The following DCDC1 variants were observed in gnomAD, a reference collection of about 807,000 sequenced individuals.
DCDC1 encodes the protein doublecortin domain containing 1.
DCDC1 carries 200 observed loss-of-function variants against 178.3 expected under a neutral mutation model. The ratio of observed to expected loss-of-function variants is 1.12; its 90% CI spans 1.00 to 1.26. DCDC1 has a LOEUF of 1.26. Ranked by LOEUF, DCDC1 falls within the 50% of genes most tolerant of loss-of-function variation. DCDC1 has a pLI of 0.00. For missense variants in DCDC1, 1,983 were observed against 1,749.2 expected, an observed-to-expected ratio of 1.13 and a Z score of -2.38; for synonymous variants, 690 against 604.8, an observed-to-expected ratio of 1.14 and a Z score of -2.07.
intron 7 of DCDC1, among the ~76,000 whole-genome samples, chr11:31,268,729 A>G (rs1302075010): frequency 2.0e-5 from 3 of 152,178 alleles, no homozygotes; most frequent in Admixed American, 2.0e-4. Flanking sequence ...TCTTTTGGAT[A>G]TATATAACCA....
chr11:30,881,085 T>G, intron 37 of DCDC1, 73 bp downstream of exon 37: 1 of 1,536,984 alleles, frequency 6.5e-7, no homozygotes, highest in Non-Finnish European at 8.9e-7. Context: ...TGATGGGATA[T>G]AAGCTCTTCC....
At chr11:30,925,459 G>T in intron 22 of DCDC1, 51 bp from the exon 23 acceptor site, 1 of 1,506,722 alleles carries the variant, frequency 6.6e-7, no homozygotes, top group Non-Finnish European at 9.2e-7. Flanking sequence ...GCTTCCAGCA[G>T]CAAAGAGAGA....
intron 1 of DCDC1, among the ~76,000 whole-genome samples, chr11:31,365,474 TA>T (rs1170370447): frequency 1.3e-5 from 2 of 152,078 alleles, no homozygotes; most frequent in African/African-American, 4.8e-5. Flanking sequence ...CAAGTAAATA[TA>T]ATCCTGAATA....
intron 9 of DCDC1, among the ~76,000 whole-genome samples, chr11:31,141,701 T>C (rs761817406): frequency 3.9e-5 from 6 of 152,164 alleles, no homozygotes; most frequent in Non-Finnish European, 8.8e-5. Context: ...TCTGCTAATA[T>C]ACAAAAGACT....
chr11:31,029,380 T>A (rs960325322), intron 20 of DCDC1, among the ~76,000 whole-genome samples: 1 of 152,088 alleles, frequency 6.6e-6, no homozygotes, highest in Non-Finnish European at 1.5e-5. Context: ...GCTTAAAATG[T>A]TCTGTTTCTG....
At chr11:31,060,729 T>A (rs1955864102) in intron 20 of DCDC1, among the ~76,000 whole-genome samples, 1 of 152,146 alleles carries the variant, frequency 6.6e-6, no homozygotes, top group South Asian at 2.1e-4. Context: ...TAACTAAATA[T>A]TTAAAAATGT....
At chr11:31,110,679 AC>A (rs1959145451) in intron 11 of DCDC1, among the ~76,000 whole-genome samples, 1 of 151,426 alleles carries the variant, frequency 6.6e-6, no homozygotes. Flanking sequence ...GGAATCACTG[AC>A]CACAGCGGAT....
At chr11:31,167,161 A>G (rs1057470111) in intron 9 of DCDC1, among the ~76,000 whole-genome samples, 1 of 152,178 alleles carries the variant, frequency 6.6e-6, no homozygotes, top group African/African-American at 2.4e-5. Context: ...TAGGAAAAGG[A>G]GACACAAATT....
intron 21 of DCDC1, among the ~76,000 whole-genome samples, chr11:30,943,034 G>C (rs1359439631): frequency 6.6e-6 from 1 of 152,130 alleles, no homozygotes; most frequent in Non-Finnish European, 1.5e-5. Flanking sequence ...ACTGACTGGA[G>C]TGCTGGTTCT....
rs147521708 is a variant in DCDC1, at chr11:30,972,843, A to G, written c.2592-20275T>C. 4.6e-3 allele frequency among the ~76,000 whole-genome samples: 706 copies of G among 152,290 alleles called. 2 individuals are homozygous for G. The highest frequency in any genetic ancestry group is 0.016 in the African/African-American group (678 of 41,560). On this transcript the variant is annotated intron_variant, in intron 20 of 38. Coordinates refer to ENST00000684477, the MANE Select transcript of DCDC1 (RefSeq NM_001387274.1). ...TGTCCCCACCCAAATCTCATGTTCA[A>G]TTATAATCCCCAATGTTGGAGGTTG...
At chr11:30,942,157 G>T (rs920681247) in intron 21 of DCDC1, among the ~76,000 whole-genome samples, 1 of 152,018 alleles carries the variant, frequency 6.6e-6, no homozygotes, top group African/African-American at 2.4e-5. Context: ...ACATGGGGCT[G>T]TTTTTTCTTA....
At chr11:31,157,773 TAGAACAATGTGAATATTCTTATGCC>T (rs1965880074) in intron 9 of DCDC1, among the ~76,000 whole-genome samples, 1 of 152,168 alleles carries the variant, frequency 6.6e-6, no homozygotes, top group Non-Finnish European at 1.5e-5. Context: ...ATGATGGTGG[TAGAACAATGTGAATATTCTTATGCC>T]ACAGAACTGA....
intron 9 of DCDC1, among the ~76,000 whole-genome samples, chr11:31,222,651 G>A (rs553771429): frequency 3.1e-4 from 47 of 152,296 alleles, no homozygotes; most frequent in Non-Finnish European, 5.1e-4. Context: ...CTTAAGATCA[G>A]GGTGTTAGTA....
intron 20 of DCDC1, among the ~76,000 whole-genome samples, chr11:31,003,775 A>G (rs1224365140): frequency 6.6e-6 from 1 of 152,250 alleles, no homozygotes; most frequent in Non-Finnish European, 1.5e-5. Context: ...GCAGTGTGAT[A>G]CCACTGAAGA....
At chr11:31,138,446 T>C (rs1237221804) in intron 9 of DCDC1, among the ~76,000 whole-genome samples, 4 of 152,256 alleles carry the variant, frequency 2.6e-5, no homozygotes, top group Non-Finnish European at 4.4e-5. Flanking sequence ...GCAATTGTTA[T>C]GTTTTATATG....
chr11:30,998,562 T>G (rs1231474998), intron 20 of DCDC1, among the ~76,000 whole-genome samples: 1 of 152,182 alleles, frequency 6.6e-6, no homozygotes. Context: ...TTAGTAAATG[T>G]TTTAAAAATG....
intron 38 of DCDC1, among the ~76,000 whole-genome samples, chr11:30,874,657 G>C (rs1941951206): frequency 6.6e-6 from 1 of 152,172 alleles, no homozygotes; most frequent in Admixed American, 6.5e-5. Context: ...ACTGAGTAAA[G>C]GACAGTGCCC....
chr11:30,886,937 G>C (rs1470048568), intron 36 of DCDC1, among the ~76,000 whole-genome samples: 1 of 151,902 alleles, frequency 6.6e-6, no homozygotes, highest in Non-Finnish European at 1.5e-5. Context: ...ATTCTATAGA[G>C]ATCATGTTTT....
intron 7 of DCDC1, among the ~76,000 whole-genome samples, chr11:31,278,554 A>C (rs1304747329): frequency 2.0e-5 from 3 of 152,106 alleles, no homozygotes; most frequent in Non-Finnish European, 2.9e-5. Context: ...AAGTACACAA[A>C]ATTTCAGTCA....
Sources: allele counts gnomAD v4.1 joint callset (sites outside exome capture counted in the v4.1 genomes callset), GRCh38; gene constraint gnomAD v4.1.1; transcripts MANE v1.5; gene names NCBI Gene and HGNC (gene_info 2026-07-23, HGNC 2026-07-21).